The following SYNJ2 variants were observed in gnomAD, a reference collection of about 807,000 sequenced individuals.
SYNJ2 encodes the protein synaptojanin 2, also known as polyphosphatidylinositol phosphatase SYNJ2.
A neutral mutation model predicts 141.3 loss-of-function variants in SYNJ2; 116 were observed. The ratio of observed to expected loss-of-function variants is 0.82; its 90% CI spans 0.71 to 0.96. The LOEUF is 0.96. Ranked by LOEUF, SYNJ2 falls within the 40% of genes least tolerant of loss-of-function variation. SYNJ2 has a pLI of 0.00. For synonymous variants in SYNJ2, 745 were observed against 777.7 expected (o/e 0.96, Z 0.70); for missense variants, 1,873 against 1,934.8 (o/e 0.97, Z 0.60).
intron 12 of SYNJ2, chr6:158,067,933 C>A (rs542166490): frequency 1.0e-6 from 1 of 985,240 alleles, no homozygotes; most frequent in Non-Finnish European, 1.2e-6. Context: ...CCAGTCCCCA[C>A]GAAAGTGACT....
At chr6:158,080,358 C>A (rs1421250555) in intron 18 of SYNJ2, among the ~76,000 whole-genome samples, 1 of 151,970 alleles carries the variant, frequency 6.6e-6, no homozygotes, top group Non-Finnish European at 1.5e-5. Context: ...GCCTGTAATC[C>A]CAGCTACTTG....
chr6:158,023,589 T>A lies in SYNJ2; in HGVS notation c.215-5167T>A, dbSNP rs1037957228. ...TGGCTTTTTTCTATCATGGAGCACCTGTGATGGAGGACAGGGTTCTTATTC... is the reference window on the plus strand; with the variant it reads ...TGGCTTTTTTCTATCATGGAGCACCAGTGATGGAGGACAGGGTTCTTATTC... On this transcript the variant is annotated intron_variant, in intron 2 of 26. Transcript: ENST00000355585. Among the ~76,000 whole-genome samples the A allele has an allele frequency of 2.6e-5, 4 of 152,140 alleles. No homozygotes were observed. The South Asian group carries it at 6.2e-4, about 24-fold the overall frequency.
intron 1 of SYNJ2, among the ~76,000 whole-genome samples, chr6:158,015,680 C>T (rs1194519831): frequency 6.6e-6 from 1 of 152,088 alleles, no homozygotes; most frequent in African/African-American, 2.4e-5. Flanking sequence ...AGCATTTGTT[C>T]CCATTACTAG....
chr6:158,095,896 C>G lies in SYNJ2; in HGVS notation c.4023C>G (p.Pro1341=), dbSNP rs141704208. Residue 1341 remains proline, a synonymous_variant, in exon 27 of 27, where the codon CCC becomes CCG. Transcript: ENST00000355585. ...KVPPRRKKSA[P]AAFHLQVLQS... is the part of the protein sequence containing the mutation. ...CCCCGAGGAGGAAGAAGTCAGCCCC[C>G]GCAGCCTTCCACCTGCAGGTCCTGC... is the stretch of plus-strand genomic sequence containing the variant. 1.9e-6 allele frequency: 3 copies of G among 1,614,092 alleles called. No homozygotes were observed. The highest frequency in any genetic ancestry group is 3.3e-5 in the Admixed American group (2 of 60,034).
chr6:158,083,089 C>T (rs552155795), intron 20 of SYNJ2, among the ~76,000 whole-genome samples: 26 of 152,174 alleles, frequency 1.7e-4, no homozygotes, highest in East Asian at 7.8e-4. Context: ...CTCACCACCA[C>T]GCCCAGCTAA....
At chr6:158,051,727 A>G (rs901366510) in intron 5 of SYNJ2, among the ~76,000 whole-genome samples, 7 of 151,334 alleles carry the variant, frequency 4.6e-5, no homozygotes, top group Admixed American at 4.0e-4. Flanking sequence ...TGGGTGGATC[A>G]CTTGAGCCCG....
intron 5 of SYNJ2, among the ~76,000 whole-genome samples, chr6:158,049,963 A>G (rs777652924): frequency 7.5e-6 from 1 of 133,322 alleles, no homozygotes; most frequent in Non-Finnish European, 1.6e-5. Context: ...TGCCTCTACC[A>G]GTATGCACGT....
At chr6:158,073,087 G>C (rs1375624734) in intron 15 of SYNJ2, among the ~76,000 whole-genome samples, 26 of 143,828 alleles carry the variant, frequency 1.8e-4, no homozygotes, top group Non-Finnish European at 1.1e-4. Context: ...AAAAAAAAAA[G>C]TGCTACTTTG....
At chr6:158,049,069 T>C (rs915144557) in intron 5 of SYNJ2, among the ~76,000 whole-genome samples, 6 of 152,122 alleles carry the variant, frequency 3.9e-5, no homozygotes, top group African/African-American at 1.2e-4. Flanking sequence ...TCTGCGATCC[T>C]TGGGCCTCTT....
At chr6:158,093,236 C>A in intron 26 of SYNJ2, 132 bp downstream of exon 26, 4 of 953,492 alleles carry the variant, frequency 4.2e-6, no homozygotes, top group Non-Finnish European at 6.2e-6. Flanking sequence ...GAGTTCAAGA[C>A]CAGCCTGACC....
In SYNJ2 at chr6:158,043,776, T is replaced by C. The variant is rs3828710; in HGVS notation, c.795+377T>C. Reference sequence around the variant, plus strand: ...ACGTTTCTGAGAGCCGTGACTCTCATGGAGGGCTTCAGGAAGGCTCTGTGG... The same window carrying C: ...ACGTTTCTGAGAGCCGTGACTCTCACGGAGGGCTTCAGGAAGGCTCTGTGG... On this transcript the variant is annotated intron_variant, in intron 5 of 26. Coordinates refer to ENST00000355585, the MANE Select transcript of SYNJ2 (RefSeq NM_003898.4). The surrounding 1 kb of genome is among the most constrained non-coding windows in gnomAD (Gnocchi z 4.0). 1.6e-4 allele frequency among the ~76,000 whole-genome samples: 24 copies of C among 152,280 alleles called. 2 individuals are homozygous for C. In the East Asian group the frequency reaches 3.3e-3, roughly 21 times the overall value.
chr6:158,035,012 G>A (rs1251928376), intron 4 of SYNJ2, among the ~76,000 whole-genome samples: 1 of 152,090 alleles, frequency 6.6e-6, no homozygotes, highest in African/African-American at 2.4e-5. Context: ...CTTATTTCTG[G>A]GTTGTCTATT....
chr6:158,038,443 A>G (rs1346757001), intron 4 of SYNJ2, among the ~76,000 whole-genome samples: 1 of 152,110 alleles, frequency 6.6e-6, no homozygotes, highest in Non-Finnish European at 1.5e-5. Context: ...TTAACAAGAG[A>G]TGCGTAGCGG....
In SYNJ2 at chr6:158,084,235, C is replaced by G. The variant is rs1255424856; in HGVS notation, c.3208+61C>G. On this transcript the variant is annotated intron_variant, in intron 22 of 26. Coordinates refer to ENST00000355585, the MANE Select transcript of SYNJ2 (RefSeq NM_003898.4). This position sits in a 1 kb window ranked among gnomAD's most constrained non-coding sequence, Gnocchi z 5.0. ...ATGGAGTCAGCTCAGGACAGACTTT[C>G]CTTTTTCTCTTGGCGATTGGGCACT... 10 of 1,552,916 alleles carry G rather than the reference C, an allele frequency of 6.4e-6. No homozygotes were observed. In the East Asian group the frequency reaches 2.3e-4, roughly 35 times the overall value.
rs922838952 is a variant in SYNJ2, at chr6:157,982,121, G to T, written c.127+33G>T. 2 of 1,290,014 alleles carry T rather than the reference G, an allele frequency of 1.6e-6. No homozygotes were observed. The highest frequency in any genetic ancestry group is 2.0e-6 in the Non-Finnish European group (2 of 1,018,014). The allele number at this position is 1,290,014 out of a possible 1,614,324, so 79.9% of individuals were successfully genotyped here. A position where few individuals can be genotyped will look rare whatever the true frequency, so the allele number is the denominator to read the frequency against. On this transcript the variant is annotated intron_variant, in intron 1 of 26. Transcript: ENST00000355585. The surrounding 1 kb of genome is among the most constrained non-coding windows in gnomAD (Gnocchi z 4.0). The stretch of plus-strand genomic sequence containing the variant: ...CGGGCCGGGGGCAGCGACGCCCGGA[G>T]GAGAGGGCGCCCGCATTCGCCCAGC...
At chr6:158,011,894 A>T (rs1042252446) in intron 1 of SYNJ2, among the ~76,000 whole-genome samples, 7 of 152,186 alleles carry the variant, frequency 4.6e-5, no homozygotes, top group African/African-American at 1.4e-4. Context: ...TAAAGCTGCT[A>T]GGGTTGAAAT....
At position 158,040,958 on chromosome 6, in the gene SYNJ2, G is replaced by A. The variant is rs1394851132; in HGVS notation, c.712-2358G>A. On this transcript the variant is annotated intron_variant, in intron 4 of 26. Transcript: ENST00000355585. The surrounding 1 kb of genome is among the most constrained non-coding windows in gnomAD (Gnocchi z 4.2). ...TTCTTGAATCCCTCCTTCTTCCCAC[G>A]ACCCAAGCTCTCTCCGACGCCAGCA... 3.3e-5 allele frequency among the ~76,000 whole-genome samples: 5 copies of A among 152,070 alleles called. No individual in the cohort carries two copies. The highest frequency in any genetic ancestry group is 4.1e-4 in the South Asian group (2 of 4,832).
chr6:158,004,560 T>C (rs1276273847), intron 1 of SYNJ2, among the ~76,000 whole-genome samples: 2 of 152,142 alleles, frequency 1.3e-5, no homozygotes, highest in African/African-American at 4.8e-5. Context: ...AAATGAATAA[T>C]CCACCCCTTA....
At chr6:158,011,188 C>G (rs1036520099) in intron 1 of SYNJ2, among the ~76,000 whole-genome samples, 4 of 152,064 alleles carry the variant, frequency 2.6e-5, no homozygotes, top group Admixed American at 2.6e-4. Context: ...GAGGAAGGGA[C>G]TGGAGTGAGG....
Sources: gnomAD v4.1 joint callset for allele counts (sites outside exome capture counted in the v4.1 genomes callset) on GRCh38, gnomAD v4.1.1 for gene constraint, Gnocchi (gnomAD v3.1) non-coding constraint, MANE v1.5 for transcripts, NCBI Gene and HGNC (gene_info 2026-07-23, HGNC 2026-07-21) for gene names.